The following ATP13A4 variants were observed in gnomAD, a reference collection of about 807,000 sequenced individuals.
The protein encoded by ATP13A4 is ATPase 13A4.
A neutral mutation model predicts 142.5 loss-of-function variants in ATP13A4; 114 were observed. The observed-to-expected ratio is 0.80, with a 90% CI of 0.69 to 0.93. ATP13A4 has a LOEUF of 0.93. Ranked by LOEUF, ATP13A4 falls within the 40% of genes least tolerant of loss-of-function variation. The pLI, the probability that ATP13A4 is intolerant of heterozygous loss-of-function variation, is 0.00. For synonymous variants in ATP13A4, 488 were observed against 514.8 expected (o/e 0.95, Z 0.70); for missense variants, 1,392 against 1,454.0 (o/e 0.96, Z 0.69).
chr3:193,463,394 CA>C (rs1360675765), intron 12 of ATP13A4, among the ~76,000 whole-genome samples: 1 of 109,090 alleles, frequency 9.2e-6, no homozygotes, highest in Non-Finnish European at 1.8e-5. Flanking sequence ...GCACTGTGAA[CA>C]GACTCGAAAG....
At position 193,573,290 on chromosome 3, in the gene ATP13A4, C is replaced by CTTATATATATATATATAT. The variant is rs1279066051; in HGVS notation, n.291+8416_291+8417insATATATATATATATATAA. 1.2e-3 allele frequency among the ~76,000 whole-genome samples: 132 copies of CTTATATATATATATATAT among 109,916 alleles called. 4 individuals carry two copies. The highest frequency in any genetic ancestry group is 5.3e-3 in the African/African-American group (121 of 22,650). 72.1% of individuals were successfully genotyped at this position (109,916 alleles called of 152,430 possible). A position where few individuals can be genotyped will look rare whatever the true frequency, so the allele number is the denominator to read the frequency against. On this transcript the variant is annotated intron_variant and non_coding_transcript_variant, in intron 2 of 3. Coordinates refer to the ATP13A4 transcript ENST00000489140. ...ATATATATATACATATATATATATA[C>CTTATATATATATATATAT]ACATATATATATATATACATATATA...
At chr3:193,585,491 AT>A (rs35279776) in intron 1 of ATP13A4, among the ~76,000 whole-genome samples, 6 of 150,382 alleles carry the variant, frequency 4.0e-5, no homozygotes, top group Admixed American at 2.0e-4. Context: ...GTTTTTTGCA[AT>A]TTTTTTTTTG....
chr3:193,556,100 G>T (rs1468406065), upstream of ATP13A4, among the ~76,000 whole-genome samples: 1 of 152,174 alleles, frequency 6.6e-6, no homozygotes, highest in East Asian at 1.9e-4. Flanking sequence ...GTACTAGGTG[G>T]TCGTTGTGCT....
chr3:193,521,910 G>T (rs1198965944), intron 1 of ATP13A4, among the ~76,000 whole-genome samples: 1 of 151,698 alleles, frequency 6.6e-6, no homozygotes, highest in Non-Finnish European at 1.5e-5. Flanking sequence ...TCCAGCCTGG[G>T]CCACAGAGCG....
chr3:193,435,813 G>T, intron 23 of ATP13A4, 69 bp from the exon 24 acceptor site: 1 of 1,349,120 alleles, frequency 7.4e-7, no homozygotes, highest in Non-Finnish European at 1.1e-6. Flanking sequence ...ATTCTGTGCT[G>T]TTCAGCTAAG....
At chr3:193,404,775 G>A (rs141047534) in intron 29 of ATP13A4, among the ~76,000 whole-genome samples, 3 of 152,108 alleles carry the variant, frequency 2.0e-5, no homozygotes, top group Admixed American at 6.5e-5. Context: ...AAATTACCCC[G>A]TTTCAGGTAT....
chr3:193,592,644 A>G (rs1442789323), intron 1 of ATP13A4, among the ~76,000 whole-genome samples: 1 of 152,222 alleles, frequency 6.6e-6, no homozygotes, highest in East Asian at 1.9e-4. Flanking sequence ...TATAAACCAC[A>G]CAAGCTTATT....
At chr3:193,593,010 A>C in intron 1 of ATP13A4, 5 of 257,288 alleles carry the variant, frequency 1.9e-5, no homozygotes, top group East Asian at 7.2e-5. Context: ...TCCCCTGGCC[A>C]AATCTCTAAC....
chr3:193,466,222 A>G (rs1476732010), intron 10 of ATP13A4, 40 bp from the exon 11 acceptor site: 32 of 1,611,884 alleles, frequency 2.0e-5, no homozygotes, highest in Non-Finnish European at 2.7e-5. Context: ...TCAGGAGACC[A>G]ACGCTACTGC....
At chr3:193,419,356 CT>C (rs1340895578) in intron 25 of ATP13A4, among the ~76,000 whole-genome samples, 1 of 150,084 alleles carries the variant, frequency 6.7e-6, no homozygotes, top group Non-Finnish European at 1.5e-5. Flanking sequence ...GAAACAATGC[CT>C]TGGCAAAGTG....
At chr3:193,518,360 T>C (rs1013301194) in intron 1 of ATP13A4, among the ~76,000 whole-genome samples, 2 of 152,190 alleles carry the variant, frequency 1.3e-5, no homozygotes, top group Admixed American at 1.3e-4. Context: ...GTGCAAAGGA[T>C]TGTAATAGCA....
At chr3:193,563,940 A>G (rs920289141) in intron 2 of ATP13A4, among the ~76,000 whole-genome samples, 3 of 152,236 alleles carry the variant, frequency 2.0e-5, no homozygotes, top group African/African-American at 7.2e-5. Context: ...ACCTTCTAAC[A>G]CTTCTAAATT....
rs74931798 is a variant in ATP13A4 at position 193,401,404 on chromosome 3, T to A, written c.*1248A>T. Among the ~76,000 whole-genome samples, 1 of 151,822 alleles carries A rather than the reference T, an allele frequency of 6.6e-6. No homozygotes were observed. The highest frequency in any genetic ancestry group is 2.4e-5 in the African/African-American group (1 of 41,310). ...CAAGCCACAAACTTTAAAAAAAAAA[T>A]GTACTAGTTGTGTAAGAACTCCCAT... On this transcript the variant is annotated 3_prime_UTR_variant, in exon 30 of 30. Transcript: ENST00000342695.
rs1174928316 is a variant in ATP13A4, at chr3:193,401,336, G to C, written c.*1316C>G. Among the ~76,000 whole-genome samples, 1 of 151,948 alleles carries C rather than the reference G, an allele frequency of 6.6e-6. No individual in the cohort carries two copies. The stretch of plus-strand genomic sequence containing the variant: ...TGAACAAATCAAATATAACCAAATT[G>C]TAATAGTGACAAAATAAGGACAATT... On this transcript the variant is annotated 3_prime_UTR_variant, in exon 30 of 30. Transcript: ENST00000342695.
chr3:193,486,054 T>C (rs1448454988), intron 7 of ATP13A4, among the ~76,000 whole-genome samples: 1 of 149,846 alleles, frequency 6.7e-6, no homozygotes, highest in African/African-American at 2.4e-5. Context: ...TTTAAATATA[T>C]ATGTATATAT....
chr3:193,509,895 C>T (rs553791219), intron 2 of ATP13A4, among the ~76,000 whole-genome samples: 2 of 152,312 alleles, frequency 1.3e-5, no homozygotes, highest in East Asian at 3.9e-4. Flanking sequence ...CAAGGATTTC[C>T]ATCTGTTTTG....
At chr3:193,582,573 AAT>A (rs1324995821) in intron 1 of ATP13A4, among the ~76,000 whole-genome samples, 130 of 133,622 alleles carry the variant, frequency 9.7e-4, no homozygotes, top group African/African-American at 3.5e-3. Flanking sequence ...TAATACATAT[AAT>A]ATATATTACA....
intron 8 of ATP13A4, among the ~76,000 whole-genome samples, chr3:193,473,152 T>G (rs1718718404): frequency 6.6e-6 from 1 of 152,222 alleles, no homozygotes. Context: ...GAACATCTTC[T>G]TGTGCCATTA....
In ATP13A4 at chr3:193,563,657, G is replaced by C. The variant is rs147454058; in HGVS notation, n.291+18050C>G. 3.9e-3 allele frequency among the ~76,000 whole-genome samples: 600 copies of C among 152,194 alleles called. 3 individuals carry two copies. The highest frequency in any genetic ancestry group is 0.017 in the South Asian group (80 of 4,828). ...CTCCAGCCTGGGCAATAGACTGAGA[G>C]TGTCTCAAAAAAAAAGTTTGCTTTG... On this transcript the variant is annotated intron_variant and non_coding_transcript_variant, in intron 2 of 3. Transcript: ENST00000489140.
Sources: gnomAD v4.1 joint callset for allele counts (sites outside exome capture counted in the v4.1 genomes callset) on GRCh38, gnomAD v4.1.1 for gene constraint, MANE v1.5 for transcripts, NCBI Gene and HGNC (gene_info 2026-07-23, HGNC 2026-07-21) for gene names.